The following LRRIQ1 variants were observed in gnomAD, a reference collection of about 807,000 sequenced individuals.
LRRIQ1 encodes the protein leucine rich repeats and IQ motif containing 1.
A neutral mutation model predicts 211.9 loss-of-function variants in LRRIQ1; 210 were observed. That is an observed-to-expected ratio of 0.99 (90% confidence interval 0.89 to 1.11). LRRIQ1 has a LOEUF of 1.11. Ranked by LOEUF, LRRIQ1 falls within the 50% of genes most tolerant of loss-of-function variation. The pLI, the probability that LRRIQ1 is intolerant of heterozygous loss-of-function variation, is 0.00. For synonymous variants in LRRIQ1, 699 were observed against 650.1 expected (o/e 1.08, Z -1.14); for missense variants, 2,136 against 1,939.5 (o/e 1.10, Z -1.90).
chr12:85,196,577 A>C (rs1375414938), intron 24 of LRRIQ1, among the ~76,000 whole-genome samples: 2 of 152,178 alleles, frequency 1.3e-5, no homozygotes, highest in African/African-American at 4.8e-5. Context: ...GCAATGGGGA[A>C]AGGATTCCCT....
chr12:85,146,988 T>C (rs1331379839), intron 19 of LRRIQ1, among the ~76,000 whole-genome samples: 2 of 151,776 alleles, frequency 1.3e-5, no homozygotes, highest in Non-Finnish European at 2.9e-5. Context: ...AATATGATAT[T>C]TTTTGGGAGA....
intron 24 of LRRIQ1, among the ~76,000 whole-genome samples, chr12:85,217,764 ATG>A (rs1592985837): frequency 7.3e-6 from 1 of 137,452 alleles, no homozygotes; most frequent in African/African-American, 3.4e-5. Context: ...TATATATAAA[ATG>A]TGTGTGTCTC....
chr12:85,138,855 T>G (rs1889329475), intron 19 of LRRIQ1, among the ~76,000 whole-genome samples: 1 of 151,552 alleles, frequency 6.6e-6, no homozygotes, highest in Non-Finnish European at 1.5e-5. Flanking sequence ...AAAGTTCTCC[T>G]TATCTTTTTA....
chr12:85,248,431 T>A (rs1469715503), downstream of LRRIQ1, among the ~76,000 whole-genome samples: 1 of 151,668 alleles, frequency 6.6e-6, no homozygotes, highest in Non-Finnish European at 1.5e-5. Context: ...AATCATTAAA[T>A]TATCCAAGAG....
downstream of LRRIQ1, among the ~76,000 whole-genome samples, chr12:85,266,224 G>A (rs1383945247): frequency 6.6e-6 from 1 of 152,008 alleles, no homozygotes; most frequent in East Asian, 1.9e-4. Context: ...CATAGATAGA[G>A]TTATTAATTA....
chr12:85,171,302 C>T (rs1400467506), intron 24 of LRRIQ1, among the ~76,000 whole-genome samples: 2 of 151,906 alleles, frequency 1.3e-5, no homozygotes, highest in Non-Finnish European at 2.9e-5. Flanking sequence ...ATTTAGAATC[C>T]AATAAAGAGA....
chr12:85,189,509 T>C (rs187770552), intron 24 of LRRIQ1, among the ~76,000 whole-genome samples: 27 of 152,086 alleles, frequency 1.8e-4, no homozygotes, highest in African/African-American at 6.0e-4. Flanking sequence ...TTATGAGAAA[T>C]CTTGAAAAGC....
At chr12:85,126,672 AT>A (rs1378634012) in intron 17 of LRRIQ1, among the ~76,000 whole-genome samples, 1 of 152,164 alleles carries the variant, frequency 6.6e-6, no homozygotes, top group East Asian at 1.9e-4. Flanking sequence ...TCAATATTCT[AT>A]TCGTAGTAAA....
chr12:85,224,288 A>G (rs1307421828), intron 24 of LRRIQ1, among the ~76,000 whole-genome samples: 1 of 152,158 alleles, frequency 6.6e-6, no homozygotes, highest in Non-Finnish European at 1.5e-5. Context: ...ACACTTTTAC[A>G]CTGTTGGTGG....
rs771037275 is a variant in LRRIQ1, at chr12:85,121,721, T to C, written c.3402T>C (p.Pro1134=). 1 of 1,592,984 alleles carries C rather than the reference T, an allele frequency of 6.3e-7. No homozygotes were observed. The highest frequency in any genetic ancestry group is 1.2e-5 in the South Asian group (1 of 86,480). ...GGGATTCTCTACTTAAAGTGTTGCC[T>C]GCTCTGAGAATCCTCAATGGCAATA... ...NWRDSLLKVL[P]ALRILNGNIL... Residue 1134 remains proline (P), a synonymous_variant, in exon 16 of 27, where the codon CCT becomes CCC. Coordinates refer to ENST00000393217, the MANE Select transcript of LRRIQ1 (RefSeq NM_001079910.2).
At chr12:85,217,608 G>A (rs1280681373) in intron 24 of LRRIQ1, among the ~76,000 whole-genome samples, 1 of 131,668 alleles carries the variant, frequency 7.6e-6, no homozygotes, top group Non-Finnish European at 1.6e-5. Context: ...ATATGTATAT[G>A]TGTATATATA....
chr12:85,065,424 C>T lies in LRRIQ1; in HGVS notation c.2544+10C>T. ...GTACATTGATGCACAGGTATGCTCT[C>T]TGCCCTACTGTTATTTATTTTATAA... On this transcript the variant is annotated intron_variant, in intron 9 of 26. Transcript: ENST00000393217. 1 of 1,551,672 alleles carries T rather than the reference C, an allele frequency of 6.4e-7. No individual in the cohort carries two copies. Among genetic ancestry groups the T allele is most frequent in the Non-Finnish European group, 8.7e-7 (1 of 1,151,180 alleles).
chr12:85,072,882 G>A, intron 10 of LRRIQ1, 25 bp from the exon 11 acceptor site: 1 of 1,548,088 alleles, frequency 6.5e-7, no homozygotes, highest in Non-Finnish European at 8.8e-7. Flanking sequence ...TATATATTTG[G>A]TCTTAATTCT....
chr12:85,159,154 T>A (rs1028075921), intron 23 of LRRIQ1, among the ~76,000 whole-genome samples: 2 of 151,968 alleles, frequency 1.3e-5, no homozygotes, highest in African/African-American at 2.4e-5. Context: ...TTCTAAATAT[T>A]TTGTACATAT....
intron 11 of LRRIQ1, among the ~76,000 whole-genome samples, chr12:85,093,869 T>C (rs1885633485): frequency 6.6e-6 from 1 of 152,158 alleles, no homozygotes; most frequent in Non-Finnish European, 1.5e-5. Flanking sequence ...ATTGCCTATC[T>C]CAGCTTTCAA....
chr12:85,160,247 A>T (rs531528558), intron 23 of LRRIQ1, among the ~76,000 whole-genome samples: 116 of 152,098 alleles, frequency 7.6e-4, no homozygotes, highest in Non-Finnish European at 1.4e-3. Flanking sequence ...CTGAAAATAC[A>T]TTAGGGCAAA....
intron 15 of LRRIQ1, among the ~76,000 whole-genome samples, chr12:85,116,138 G>GTTGTTTGT (rs922372016): frequency 6.6e-6 from 1 of 151,978 alleles, no homozygotes; most frequent in African/African-American, 2.4e-5. Context: ...TTTTTTTGTT[G>GTTGTTTGT]TTGTTTGTTT....
intron 11 of LRRIQ1, among the ~76,000 whole-genome samples, chr12:85,079,493 G>A (rs775264027): frequency 3.6e-4 from 54 of 151,686 alleles, no homozygotes; most frequent in Non-Finnish European, 4.3e-4. Context: ...AAAGTGCTGG[G>A]ATTACAGGTG....
intron 10 of LRRIQ1, among the ~76,000 whole-genome samples, chr12:85,072,184 G>T (rs577382293): frequency 2.0e-5 from 3 of 151,470 alleles, no homozygotes; most frequent in Middle Eastern, 3.2e-3. Context: ...ATAATTTTAG[G>T]GTTTTTAAAA....
Sources: gnomAD v4.1 joint callset for allele counts (sites outside exome capture counted in the v4.1 genomes callset) on GRCh38, gnomAD v4.1.1 for gene constraint, MANE v1.5 for transcripts, NCBI Gene and HGNC (gene_info 2026-07-23, HGNC 2026-07-21) for gene names.